Variants in RBFOX2 observed in about 807,000 individuals in gnomAD.
RBFOX2 encodes RNA binding protein fox-1 homolog 2.
Under a neutral mutation model 49.1 loss-of-function variants are expected in RBFOX2, and 10 were observed. The observed-to-expected ratio is 0.20, with a 90% CI of 0.13 to 0.35. RBFOX2 has a LOEUF of 0.35. Ranked by LOEUF, RBFOX2 falls within the 10% of genes least tolerant of loss-of-function variation. The probability of loss-of-function intolerance (pLI) is 1.00; values close to 1 mark genes in which losing one functional copy is unlikely to be tolerated. For synonymous variants in RBFOX2, 183 were observed against 187.4 expected (o/e 0.98, Z 0.19); for missense variants, 323 against 486.9 (o/e 0.66, Z 3.17).
chr22:35,814,732 A>G (rs199924723), intron 1 of RBFOX2, among the ~76,000 whole-genome samples: 146 of 147,172 alleles, frequency 9.9e-4, no homozygotes, highest in East Asian at 5.1e-3. Context: ...AAAAAAAAAA[A>G]AAAAGAAAAG....
chr22:35,959,477 C>T (rs1432183127), intron 1 of RBFOX2, among the ~76,000 whole-genome samples: 4 of 152,232 alleles, frequency 2.6e-5, no homozygotes, highest in Admixed American at 6.5e-5. Context: ...TCATCTTTAA[C>T]CTGCGGTTAT....
chr22:35,920,697 T>C (rs927659605), intron 1 of RBFOX2, among the ~76,000 whole-genome samples: 1 of 152,098 alleles, frequency 6.6e-6, no homozygotes, highest in Admixed American at 6.6e-5. Context: ...AGAATTATGA[T>C]AAAAAAGCTT....
intron 1 of RBFOX2, among the ~76,000 whole-genome samples, chr22:35,865,989 G>A (rs2043638041): frequency 6.6e-6 from 1 of 152,140 alleles, no homozygotes; most frequent in African/African-American, 2.4e-5. Context: ...TGTCTAAGAT[G>A]GATATGCACT....
chr22:35,799,665 C>T (rs186346208), intron 2 of RBFOX2, among the ~76,000 whole-genome samples: 21 of 152,114 alleles, frequency 1.4e-4, no homozygotes, highest in Admixed American at 1.0e-3. Context: ...ATAATTACTT[C>T]GGCTGGATGT....
rs531827990 is a variant in RBFOX2, at chr22:35,872,692, G to A, written c.-33-62688C>T. Among the ~76,000 whole-genome samples, 9 of 152,264 alleles carry A rather than the reference G, an allele frequency of 5.9e-5. No homozygotes were observed. In the South Asian group the frequency reaches 1.5e-3, roughly 25 times the overall value. The stretch of plus-strand genomic sequence containing the variant: ...ACGTCTGTCGGTGTGCTCTTCTGCC[G>A]GCTTGCTCCCTTGACGTCCTCCCAC... On this transcript the variant is annotated intron_variant, in intron 1 of 13. Transcript: ENST00000359369.
Position 35,897,070 on chromosome 22 carries a change from AT to A in RBFOX2, c.-34+41776del, listed in dbSNP as rs1249657203. Among the ~76,000 whole-genome samples, 31 of 152,048 alleles carry A rather than the reference AT, an allele frequency of 2.0e-4. 1 individual carries two copies. The highest frequency in any genetic ancestry group is 1.5e-4 in the Non-Finnish European group (10 of 68,006). On this transcript the variant is annotated intron_variant, in intron 1 of 13. Transcript: ENST00000359369. The stretch of plus-strand genomic sequence containing the variant: ...TTAAAATTACACTGATAAGAGATTC[AT>A]TTTTTCAAATTCTTTGAAGAGTCTT...
At chr22:35,989,555 T>C (rs1470908023) in intron 1 of RBFOX2, among the ~76,000 whole-genome samples, 1 of 152,082 alleles carries the variant, frequency 6.6e-6, no homozygotes, top group Admixed American at 6.5e-5. Context: ...TTTAAGAAGG[T>C]GGCTTGTAGA....
intron 1 of RBFOX2, among the ~76,000 whole-genome samples, chr22:36,024,754 A>G (rs1163791033): frequency 6.6e-6 from 1 of 152,100 alleles, no homozygotes; most frequent in East Asian, 1.9e-4. Flanking sequence ...AAAAGAAAAA[A>G]AAGACGTGTA....
chr22:35,908,385 T>C (rs974516993), intron 1 of RBFOX2, among the ~76,000 whole-genome samples: 1 of 152,234 alleles, frequency 6.6e-6, no homozygotes, highest in African/African-American at 2.4e-5. Context: ...TAGCTTAGCC[T>C]AGCCTATCTT....
At chr22:36,015,496 T>C (rs1017111470) in intron 1 of RBFOX2, among the ~76,000 whole-genome samples, 15 of 152,222 alleles carry the variant, frequency 9.9e-5, no homozygotes, top group African/African-American at 3.4e-4. Context: ...TCCTGGAAGC[T>C]TGTATATGAG....
At chr22:35,862,007 G>A (rs1054602688) in intron 1 of RBFOX2, among the ~76,000 whole-genome samples, 11 of 152,106 alleles carry the variant, frequency 7.2e-5, no homozygotes, top group African/African-American at 2.2e-4. Context: ...TATGCTGAGC[G>A]AAAGAAGCCA....
chr22:35,807,168 G>A (rs1232481557), intron 2 of RBFOX2, among the ~76,000 whole-genome samples: 1 of 151,976 alleles, frequency 6.6e-6, no homozygotes, highest in African/African-American at 2.4e-5. Flanking sequence ...GAAACAAAAT[G>A]ACAGAAAAAA....
intron 1 of RBFOX2, among the ~76,000 whole-genome samples, chr22:35,823,888 G>A (rs1487287327): frequency 6.6e-6 from 1 of 152,154 alleles, no homozygotes; most frequent in Non-Finnish European, 1.5e-5. Flanking sequence ...AGTGGCTCAC[G>A]CCTGTAATCC....
At chr22:35,804,511 C>T (rs1397197103) in intron 2 of RBFOX2, among the ~76,000 whole-genome samples, 1 of 152,022 alleles carries the variant, frequency 6.6e-6, no homozygotes, top group African/African-American at 2.4e-5. Flanking sequence ...AGAAGAACAA[C>T]TCATCACCTA....
chr22:35,768,108 G>A, intron 5 of RBFOX2, 149 bp downstream of exon 6: 1 of 797,998 alleles, frequency 1.3e-6, no homozygotes, highest in Non-Finnish European at 2.0e-6. Flanking sequence ...ACATTTTAGT[G>A]CAAGAAGGTG....
chr22:35,849,248 T>C (rs2148950576), intron 1 of RBFOX2, among the ~76,000 whole-genome samples: 1 of 151,796 alleles, frequency 6.6e-6, no homozygotes. Flanking sequence ...ATTACATTTA[T>C]ATTGTCCAGC....
intron 1 of RBFOX2, among the ~76,000 whole-genome samples, chr22:36,023,958 C>G (rs2059336393): frequency 6.6e-6 from 1 of 152,200 alleles, no homozygotes; most frequent in Non-Finnish European, 1.5e-5. Flanking sequence ...ATGATTTACT[C>G]CAAAAGCTTA....
intron 1 of RBFOX2, among the ~76,000 whole-genome samples, chr22:35,865,406 G>A (rs1023179981): frequency 6.6e-6 from 1 of 152,100 alleles, no homozygotes; most frequent in Non-Finnish European, 1.5e-5. Flanking sequence ...TAAACACTGA[G>A]GAGTTCAGGA....
intron 1 of RBFOX2, among the ~76,000 whole-genome samples, chr22:35,848,068 T>C (rs1465238138): frequency 6.6e-6 from 1 of 152,162 alleles, no homozygotes; most frequent in Admixed American, 6.5e-5. Context: ...TTGGGAAACA[T>C]TTTTACTTTT....
Sources: allele counts gnomAD v4.1 joint callset (sites outside exome capture counted in the v4.1 genomes callset), GRCh38; gene constraint gnomAD v4.1.1; transcripts MANE v1.5; gene names NCBI Gene and HGNC (gene_info 2026-07-23, HGNC 2026-07-21).